Variants in GPC6 observed in about 807,000 individuals in gnomAD.
The protein encoded by GPC6 is glypican-6.
In GPC6, 14 loss-of-function variants were observed where a neutral mutation model predicts 55.2. That is an observed-to-expected ratio of 0.25 (90% CI 0.17 to 0.40). GPC6 has a LOEUF of 0.40. GPC6 is among the 10% of genes least tolerant of loss of function. GPC6 has a pLI of 1.00. For missense variants in GPC6, 641 were observed against 708.5 expected, an observed-to-expected ratio of 0.90 and a Z score of 1.08; for synonymous variants, 278 against 259.6, an observed-to-expected ratio of 1.07 and a Z score of -0.68.
At chr13:94,395,262 A>G (rs946523130) in intron 7 of GPC6, among the ~76,000 whole-genome samples, 2 of 152,236 alleles carry the variant, frequency 1.3e-5, no homozygotes, top group Non-Finnish European at 2.9e-5. Flanking sequence ...ATTTATTTGC[A>G]TATGAGATAT....
chr13:94,295,622 A>T (rs1356912062), intron 5 of GPC6, among the ~76,000 whole-genome samples: 1 of 152,148 alleles, frequency 6.6e-6, no homozygotes, highest in East Asian at 1.9e-4. Context: ...TGTGTCAGCA[A>T]TCCAACTCTA....
intron 4 of GPC6, among the ~76,000 whole-genome samples, chr13:94,072,664 T>A (rs1884777994): frequency 6.6e-6 from 1 of 152,342 alleles, no homozygotes; most frequent in African/African-American, 2.4e-5. Context: ...CCCTTGTATA[T>A]AGACTTATTC....
At chr13:93,697,736 G>A (rs1481348448) in intron 2 of GPC6, among the ~76,000 whole-genome samples, 2 of 152,152 alleles carry the variant, frequency 1.3e-5, no homozygotes, top group African/African-American at 4.8e-5. Flanking sequence ...GAGTCCTTGA[G>A]TGTGATTAGA....
In GPC6 at chr13:93,580,442, C is replaced by T. The variant is rs1445277618; in HGVS notation, c.319+35021C>T. Among the ~76,000 whole-genome samples, 4 of 152,318 alleles carry T rather than the reference C, an allele frequency of 2.6e-5. No individual in the cohort carries two copies. The East Asian group carries it at 5.8e-4, about 22-fold the overall frequency. ...ATCACTCTGAAGGAGCACATGCAGT[C>T]ACCCCGAAGACTACATTATACACAT... is the stretch of plus-strand genomic sequence containing the variant. On this transcript the variant is annotated intron_variant, in intron 2 of 8. Transcript: ENST00000377047.
intron 1 of GPC6, among the ~76,000 whole-genome samples, chr13:93,541,837 G>A (rs1882318362): frequency 6.6e-6 from 1 of 151,126 alleles, no homozygotes; most frequent in Non-Finnish European, 1.5e-5. Context: ...TTTGAGAAGT[G>A]TCTGTTCATG....
intron 4 of GPC6, among the ~76,000 whole-genome samples, chr13:94,068,382 G>A (rs1172535087): frequency 6.6e-6 from 1 of 152,136 alleles, no homozygotes; most frequent in African/African-American, 2.4e-5. Context: ...GAAAATGTGG[G>A]AGTTAAAATT....
At chr13:94,203,658 G>A (rs1395150884) in intron 4 of GPC6, among the ~76,000 whole-genome samples, 1 of 152,096 alleles carries the variant, frequency 6.6e-6, no homozygotes, top group African/African-American at 2.4e-5. Context: ...TCTACATTAT[G>A]TTTATTGGGA....
intron 6 of GPC6, among the ~76,000 whole-genome samples, chr13:94,341,859 G>T (rs1298363784): frequency 1.3e-5 from 2 of 152,174 alleles, no homozygotes; most frequent in South Asian, 2.1e-4. Flanking sequence ...ACTGACAATA[G>T]AAATCATTTT....
rs549321353 is a variant in GPC6, at chr13:94,332,346, T to A, written c.1152+26223T>A. ...ATCTTATTCAAATGGTGCTCCTAGA[T>A]CTGCAATGTGATAAATTGTGAAAGT... On this transcript the variant is annotated intron_variant, in intron 6 of 8. Coordinates refer to ENST00000377047, the MANE Select transcript of GPC6 (RefSeq NM_005708.5). Among the ~76,000 whole-genome samples, 35 of 152,246 alleles carry A rather than the reference T, an allele frequency of 2.3e-4. No homozygotes were observed. The South Asian group carries it at 7.1e-3, about 31-fold the overall frequency.
At chr13:93,527,351 C>T (rs1881694099) in intron 1 of GPC6, among the ~76,000 whole-genome samples, 1 of 152,086 alleles carries the variant, frequency 6.6e-6, no homozygotes, top group African/African-American at 2.4e-5. Context: ...CCTCCTTATG[C>T]AGTGTATTCC....
Position 94,270,964 on chromosome 13 carries a change from A to ATTT in GPC6, c.878-15346_878-15344dup, listed in dbSNP as rs764819082. 7.4e-4 allele frequency among the ~76,000 whole-genome samples: 37 copies of ATTT among 49,672 alleles called. 4 individuals are homozygous for ATTT. The highest frequency in any genetic ancestry group is 1.6e-3 in the Admixed American group (5 of 3,070). The allele number at this position is 49,672 out of a possible 152,430, so 32.6% of individuals were successfully genotyped here. ...AAAGGACCAGAGACAGAGAAGTATAATTTTTTTTTTTTTTTTTTTTTTTTT... is the reference window on the plus strand; with the variant it reads ...AAAGGACCAGAGACAGAGAAGTATAATTTTTTTTTTTTTTTTTTTTTTTTTTTT... On this transcript the variant is annotated intron_variant, in intron 4 of 8. Transcript: ENST00000377047.
intron 4 of GPC6, among the ~76,000 whole-genome samples, chr13:94,225,656 G>T (rs1890530373): frequency 7.7e-6 from 1 of 129,858 alleles, no homozygotes; most frequent in Non-Finnish European, 1.6e-5. Context: ...ATATGTGTGT[G>T]TGTAAAGTAT....
intron 6 of GPC6, among the ~76,000 whole-genome samples, chr13:94,346,309 G>C (rs1415898211): frequency 6.6e-6 from 1 of 152,138 alleles, no homozygotes; most frequent in East Asian, 1.9e-4. Context: ...GGGGGAGTGT[G>C]AGTTCTTAAT....
intron 4 of GPC6, among the ~76,000 whole-genome samples, chr13:94,202,198 CCA>C (rs1889773585): frequency 6.6e-6 from 1 of 152,138 alleles, no homozygotes; most frequent in Admixed American, 6.5e-5. Context: ...TGTTTCCAGC[CCA>C]CAGTCCTTTG....
At chr13:93,659,849 G>T (rs138438114) in intron 2 of GPC6, among the ~76,000 whole-genome samples, 8 of 151,932 alleles carry the variant, frequency 5.3e-5, no homozygotes, top group East Asian at 1.9e-4. Flanking sequence ...TAAAGTAAAC[G>T]TATTTTATGT....
chr13:94,231,500 T>A (rs1028332055), intron 4 of GPC6, among the ~76,000 whole-genome samples: 8 of 152,110 alleles, frequency 5.3e-5, no homozygotes, highest in Non-Finnish European at 1.2e-4. Context: ...TATAGAAAGG[T>A]TTTTGCCCAC....
chr13:93,963,131 C>A (rs1462729487), intron 3 of GPC6, among the ~76,000 whole-genome samples: 1 of 151,990 alleles, frequency 6.6e-6, no homozygotes, highest in East Asian at 1.9e-4. Context: ...GCTATTTTTT[C>A]TTGTAGATTT....
At chr13:93,237,334 A>AT (rs59699929) in intron 1 of GPC6, among the ~76,000 whole-genome samples, 38,984 of 151,746 alleles carry the variant, frequency 0.26, 5,098 homozygotes, top group African/African-American at 0.32. Context: ...AATGTTAAGC[A>AT]TTTTTTTCAC....
chr13:94,101,521 A>G (rs1190871907), intron 4 of GPC6, among the ~76,000 whole-genome samples: 2 of 152,188 alleles, frequency 1.3e-5, no homozygotes, highest in African/African-American at 2.4e-5. Context: ...GAACTCTAAT[A>G]TATTAAACAA....
Sources: gnomAD v4.1 joint callset for allele counts (sites outside exome capture counted in the v4.1 genomes callset) on GRCh38, gnomAD v4.1.1 for gene constraint, MANE v1.5 for transcripts, NCBI Gene and HGNC (gene_info 2026-07-23, HGNC 2026-07-21) for gene names.